SMIM31: variants seen among roughly 807,000 people sequenced by gnomAD.
SMIM31 encodes the protein small integral membrane protein 31, also known as human epithelial cell program regulator.
chr4:164,757,678 T>C (rs1185295533), intron 1 of SMIM31, among the ~76,000 whole-genome samples: 1 of 152,186 alleles, frequency 6.6e-6, no homozygotes, highest in Non-Finnish European at 1.5e-5. Context: ...AAAAACATTT[T>C]CTTTTCATTA....
intron 2 of SMIM31, among the ~76,000 whole-genome samples, chr4:164,792,707 T>G (rs899946548): frequency 1.3e-5 from 2 of 152,172 alleles, no homozygotes; most frequent in African/African-American, 4.8e-5. Flanking sequence ...TATTCAAAGT[T>G]TTCTACAGAT....
At chr4:164,778,130 G>C (rs953238073) in intron 2 of SMIM31, among the ~76,000 whole-genome samples, 3 of 152,232 alleles carry the variant, frequency 2.0e-5, no homozygotes, top group Non-Finnish European at 2.9e-5. Flanking sequence ...GCTTACGCCT[G>C]TGATCCCAGC....
chr4:164,795,383 C>T (rs1423829137), intron 2 of SMIM31, among the ~76,000 whole-genome samples: 1 of 151,940 alleles, frequency 6.6e-6, no homozygotes, highest in African/African-American at 2.4e-5. Context: ...CATGGCAAAA[C>T]CCTGTGTCTA....
At chr4:164,786,891 T>C (rs4343685) in intron 2 of SMIM31, among the ~76,000 whole-genome samples, 93,211 of 152,088 alleles carry the variant, frequency 0.61, 29,660 homozygotes, top group African/African-American at 0.79. Flanking sequence ...AATTAAAAAA[T>C]TGTTTGAGCT....
intron 2 of SMIM31, among the ~76,000 whole-genome samples, chr4:164,781,905 T>C (rs1268003089): frequency 2.0e-5 from 3 of 152,168 alleles, no homozygotes; most frequent in Admixed American, 2.0e-4. Context: ...GCACGGGGAA[T>C]TGCACAAGCC....
chr4:164,784,373 C>T (rs970637917), intron 2 of SMIM31, among the ~76,000 whole-genome samples: 2 of 152,174 alleles, frequency 1.3e-5, no homozygotes, highest in Non-Finnish European at 2.9e-5. Context: ...AACTGCTAGA[C>T]GCCGTTGGTT....
At chr4:164,758,630 GTTTTTTTTTTT>G (rs1210607914) in intron 1 of SMIM31, among the ~76,000 whole-genome samples, 1 of 96,640 alleles carries the variant, frequency 1.0e-5, no homozygotes, top group South Asian at 3.6e-4. Context: ...TCCTTTTTTT[GTTTTTTTTTTT>G]TTTTTTTTTT....
At chr4:164,769,705 C>G (rs541639031) in intron 1 of SMIM31, among the ~76,000 whole-genome samples, 92 of 151,310 alleles carry the variant, frequency 6.1e-4, no homozygotes, top group Admixed American at 1.2e-3. Context: ...CGTAACAAAC[C>G]TGCACGTTGT....
chr4:164,781,155 C>T (rs1732944635), intron 2 of SMIM31, among the ~76,000 whole-genome samples: 1 of 148,596 alleles, frequency 6.7e-6, no homozygotes, highest in Non-Finnish European at 1.5e-5. Flanking sequence ...CACACACACA[C>T]ACACAATACC....
intron 2 of SMIM31, among the ~76,000 whole-genome samples, chr4:164,772,479 G>A (rs1316747546): frequency 2.0e-5 from 3 of 152,136 alleles, no homozygotes; most frequent in Non-Finnish European, 4.4e-5. Flanking sequence ...GCACTTTAGA[G>A]GCATTATTGT....
intron 1 of SMIM31, among the ~76,000 whole-genome samples, chr4:164,757,254 A>T (rs1732574184): frequency 6.6e-6 from 1 of 152,144 alleles, no homozygotes; most frequent in Non-Finnish European, 1.5e-5. Context: ...CCATTTTTTT[A>T]AAACTTGGAT....
chr4:164,780,657 T>G (rs2110944655), intron 2 of SMIM31, among the ~76,000 whole-genome samples: 1 of 152,366 alleles, frequency 6.6e-6, no homozygotes, highest in African/African-American at 2.4e-5. Flanking sequence ...TATCAAACAC[T>G]GTTTTTATAA....
Position 164,787,816 on chromosome 4 carries a change from G to A in SMIM31, c.113-13275G>A, listed in dbSNP as rs991603328. Among the ~76,000 whole-genome samples, 5 of 152,120 alleles carry A rather than the reference G, an allele frequency of 3.3e-5. No homozygotes were observed. In the East Asian group the frequency reaches 5.8e-4, roughly 18 times the overall value. On this transcript the variant is annotated intron_variant, in intron 2 of 2. Coordinates refer to ENST00000507311, the MANE Select transcript of SMIM31 (RefSeq NM_001352885.1). ...TCTTCAAGTCTTTTTAGTGCTTTAC[G>A]TCAGCCATTTAAGAGAAAGTCTTTG...
intron 1 of SMIM31, among the ~76,000 whole-genome samples, chr4:164,760,052 G>T (rs1732625084): frequency 6.6e-6 from 1 of 152,056 alleles, no homozygotes; most frequent in East Asian, 1.9e-4. Flanking sequence ...CAGTACAAAG[G>T]CCCTCTGGTG....
At chr4:164,759,842 G>A (rs931373417) in intron 1 of SMIM31, among the ~76,000 whole-genome samples, 1 of 152,152 alleles carries the variant, frequency 6.6e-6, no homozygotes, top group African/African-American at 2.4e-5. Context: ...CAATAAATAA[G>A]TAAAGATTAG....
intron 1 of SMIM31, among the ~76,000 whole-genome samples, chr4:164,763,129 C>T (rs1373968691): frequency 6.6e-6 from 1 of 152,152 alleles, no homozygotes; most frequent in African/African-American, 2.4e-5. Context: ...CTTTAGTAAA[C>T]CTATACTTTA....
chr4:164,790,884 G>C (rs966822946), intron 2 of SMIM31, among the ~76,000 whole-genome samples: 1 of 152,052 alleles, frequency 6.6e-6, no homozygotes, highest in African/African-American at 2.4e-5. Context: ...TATATTCAAA[G>C]AAAAATACGT....
chr4:164,787,369 G>A (rs772489025), intron 2 of SMIM31: 3 of 151,806 alleles, frequency 2.0e-5, no homozygotes, highest in Non-Finnish European at 4.4e-5. Context: ...AGGATGACAT[G>A]CAAATTCATG....
At chr4:164,800,428 G>A (rs1733268362) in intron 2 of SMIM31, among the ~76,000 whole-genome samples, 1 of 152,050 alleles carries the variant, frequency 6.6e-6, no homozygotes, top group South Asian at 2.1e-4. Flanking sequence ...GGCTGGTTTT[G>A]AACTCCTGGG....
Sources: gnomAD v4.1 joint callset for allele counts (sites outside exome capture counted in the v4.1 genomes callset) on GRCh38, gnomAD v4.1.1 for gene constraint, MANE v1.5 for transcripts, NCBI Gene and HGNC (gene_info 2026-07-23, HGNC 2026-07-21) for gene names.